Variants in CACNA1I observed in about 807,000 individuals in gnomAD.
The protein encoded by CACNA1I is voltage-dependent T-type calcium channel subunit alpha-1I.
A neutral mutation model predicts 201.6 loss-of-function variants in CACNA1I; 74 were observed. The observed-to-expected ratio is 0.37, with a 90% confidence interval of 0.30 to 0.45. The LOEUF (loss-of-function observed/expected upper bound fraction) is 0.45, where lower values mean the gene tolerates loss of function less well. Among genes scored for constraint, CACNA1I ranks in the 20% least tolerant of loss-of-function variants. The pLI, the probability that CACNA1I is intolerant of heterozygous loss-of-function variation, is 1.00. For missense variants in CACNA1I, 2,346 were observed against 3,138.1 expected (o/e 0.75, Z 6.03); for synonymous variants, 1,431 against 1,345.2 (o/e 1.06, Z -1.40).
At position 39,655,346 on chromosome 22, in the gene CACNA1I, G is replaced by A. The variant is rs201814015; in HGVS notation, c.1993-2806G>A. Among the ~76,000 whole-genome samples, 693 of 152,204 alleles carry A rather than the reference G, an allele frequency of 4.6e-3. 2 individuals are homozygous for A. The highest frequency in any genetic ancestry group is 0.016 in the African/African-American group (665 of 41,522). On this transcript the variant is annotated intron_variant, in intron 10 of 36. Transcript: ENST00000402142. ...GGGCAGCCTGGTGTCACCCAAACCCGCATCAGGCAGGGACTTGCAGGCTCC... is the reference window on the plus strand; with the variant it reads ...GGGCAGCCTGGTGTCACCCAAACCCACATCAGGCAGGGACTTGCAGGCTCC...
Position 39,640,861 on chromosome 22 carries a change from G to C in CACNA1I, c.741-6G>C. ...CCCTCTTTTACCCACCCTCGCCTGT[G>C]GACAGACAAGGGGATGTGGCCTTGC... is the stretch of plus-strand genomic sequence containing the variant. On this transcript the variant is annotated splice_polypyrimidine_tract_variant and splice_region_variant and intron_variant, in intron 5 of 36. Transcript: ENST00000402142. The C allele has an allele frequency of 6.2e-7, 1 of 1,608,290 alleles. No individual in the cohort carries two copies. The highest frequency in any genetic ancestry group is 2.2e-5 in the East Asian group (1 of 44,708).
chr22:39,573,157 G>C (rs943427331), intron 1 of CACNA1I, among the ~76,000 whole-genome samples: 4 of 152,148 alleles, frequency 2.6e-5, no homozygotes, highest in African/African-American at 9.7e-5. Context: ...CAGGAATTTT[G>C]GGCCTTTAGG....
chr22:39,598,800 C>T (rs376573537), intron 2 of CACNA1I, among the ~76,000 whole-genome samples: 2 of 152,034 alleles, frequency 1.3e-5, no homozygotes, highest in African/African-American at 2.4e-5. Flanking sequence ...ACCTTTGGTA[C>T]CTGACATAAC....
At position 39,646,551 on chromosome 22, in the gene CACNA1I, T is replaced by C. The variant is rs745370817; in HGVS notation, c.1150-18T>C. 7.2e-6 allele frequency: 11 copies of C among 1,525,204 alleles called. No individual in the cohort carries two copies. The East Asian group carries it at 2.7e-4, about 37-fold the overall frequency. 94.5% of individuals were successfully genotyped at this position (1,525,204 alleles called of 1,614,324 possible). On this transcript the variant is annotated intron_variant, in intron 7 of 36. Transcript: ENST00000402142. ...CATCCCTGTCCCTGTCCCTGTCCTC[T>C]CCTCCCGTTGGTCACAGGTGGGCTC...
At position 39,686,417 on chromosome 22, in the gene CACNA1I, G is replaced by A. The variant is rs1753527710; in HGVS notation, c.*12G>A. The A allele has an allele frequency of 8.1e-7, 1 of 1,228,120 alleles. No homozygotes were observed. The highest frequency in any genetic ancestry group is 1.0e-6 in the Non-Finnish European group (1 of 980,590). 76.1% of individuals were successfully genotyped at this position (1,228,120 alleles called of 1,614,324 possible). Reference sequence around the variant, plus strand: ...AGAGGAAGAGATGAGGGTCGCAGGGGCCCCCGGCCGCCCACCGCCCGCCCC... The same window carrying A: ...AGAGGAAGAGATGAGGGTCGCAGGGACCCCCGGCCGCCCACCGCCCGCCCC... On this transcript the variant is annotated 3_prime_UTR_variant, in exon 37 of 37. Coordinates refer to ENST00000402142, the MANE Select transcript of CACNA1I (RefSeq NM_021096.4).
chr22:39,613,808 C>G (rs1290283448), intron 3 of CACNA1I, among the ~76,000 whole-genome samples: 1 of 151,678 alleles, frequency 6.6e-6, no homozygotes, highest in Non-Finnish European at 1.5e-5. Flanking sequence ...CTCCTGGGTC[C>G]CTTGGTACCT....
chr22:39,686,532 CCGA>C lies in CACNA1I; in HGVS notation c.*129_*131del. ...CGCAGGGCCCGCAGGGCACAGGCGC[CCGA>C]CAGCCGGGCTGAGCGGAGTCTGGGT... On this transcript the variant is annotated 3_prime_UTR_variant, in exon 37 of 37. Coordinates refer to ENST00000402142, the MANE Select transcript of CACNA1I (RefSeq NM_021096.4). 1.4e-6 allele frequency: 1 copy of C among 713,962 alleles called. No individual in the cohort carries two copies. The allele number at this position is 713,962 out of a possible 1,614,324, so 44.2% of individuals were successfully genotyped here. A position where few individuals can be genotyped will look rare whatever the true frequency, so the allele number is the denominator to read the frequency against.
chr22:39,678,664 C>G (rs944008445), intron 31 of CACNA1I, among the ~76,000 whole-genome samples: 1 of 152,206 alleles, frequency 6.6e-6, no homozygotes, highest in African/African-American at 2.4e-5. Context: ...GGCGGCCAAT[C>G]TCCTCAGCCC....
chr22:39,669,898 C>A, intron 24 of CACNA1I, 140 bp from the exon 25 acceptor site: 9 of 886,212 alleles, frequency 1.0e-5, no homozygotes, highest in South Asian at 7.5e-5. Flanking sequence ...TACCTGCTGC[C>A]TCATTTAGAC....
chr22:39,585,364 T>C (rs1932710748), intron 1 of CACNA1I, among the ~76,000 whole-genome samples: 1 of 131,818 alleles, frequency 7.6e-6, no homozygotes, highest in African/African-American at 2.8e-5. Context: ...GGCCCGGGCT[T>C]TTTTTCTTTC....
intron 2 of CACNA1I, among the ~76,000 whole-genome samples, chr22:39,598,727 C>A (rs1052971885): frequency 1.8e-4 from 27 of 152,042 alleles, no homozygotes; most frequent in Non-Finnish European, 3.4e-4. Flanking sequence ...CCCTAGATGC[C>A]CTTTAGGAGC....
chr22:39,601,235 C>T (rs2145829079), intron 3 of CACNA1I, among the ~76,000 whole-genome samples: 1 of 152,358 alleles, frequency 6.6e-6, no homozygotes, highest in East Asian at 1.9e-4. Context: ...ACTTGCTCCC[C>T]AGTGTTGGCG....
intron 3 of CACNA1I, among the ~76,000 whole-genome samples, chr22:39,604,720 A>G (rs1436041485): frequency 1.3e-5 from 2 of 151,032 alleles, no homozygotes; most frequent in Non-Finnish European, 2.9e-5. Flanking sequence ...CTGGGACTAC[A>G]GGCACATGCC....
Position 39,658,946 on chromosome 22 carries a change from G to GGGGCAGGCGGACGGT in CACNA1I, c.2165_2179dup (p.Gln722_Gly726dup). 1 of 1,599,488 alleles carries GGGGCAGGCGGACGGT rather than the reference G, an allele frequency of 6.3e-7. No individual in the cohort carries two copies. On this transcript the variant is annotated inframe_insertion, in exon 12 of 37. Transcript: ENST00000402142. The stretch of plus-strand genomic sequence containing the variant: ...GGGACCGCAGCATCTGGGAGATTGT[G>GGGGCAGGCGGACGGT]GGGCAGGCGGACGGTGGGCTGTCGG...
intron 26 of CACNA1I, 73 bp downstream of exon 26, chr22:39,671,027 G>T: frequency 1.4e-6 from 2 of 1,427,336 alleles, no homozygotes; most frequent in Non-Finnish European, 2.0e-6. Flanking sequence ...CCACCCCAGG[G>T]ATAGGGTGGG....
At position 39,670,032 on chromosome 22, in the gene CACNA1I, C is replaced by T. The variant is rs1935322463; in HGVS notation, c.4195-6C>T. On this transcript the variant is annotated splice_region_variant and splice_polypyrimidine_tract_variant and intron_variant, in intron 24 of 36. Transcript: ENST00000402142. ...GCCTCCTCAGCCCTTTCTGACTCCC[C>T]TGCAGCCTGTGACCAACCACAACCC... The T allele has an allele frequency of 1.2e-6, 2 of 1,612,148 alleles. No individual in the cohort carries two copies. The highest frequency in any genetic ancestry group is 1.7e-6 in the Non-Finnish European group (2 of 1,179,838).
At chr22:39,618,413 A>T (rs1247855211) in intron 3 of CACNA1I, among the ~76,000 whole-genome samples, 2 of 149,190 alleles carry the variant, frequency 1.3e-5, no homozygotes, top group East Asian at 3.9e-4. Context: ...GGTTGTGTGC[A>T]TGTACGTGAC....
chr22:39,686,040 A>G lies in CACNA1I; in HGVS notation c.6307A>G (p.Met2103Val). ...TSPGCTHHDS[M>V]DPSDEEGRGG... ...CCCGGGCTGCACCCACCACGACTCC[A>G]TGGACCCCTCGGACGAGGAGGGCCG... is the stretch of plus-strand genomic sequence containing the variant. The change falls in exon 37 of 37, where the codon ATG becomes GTG. Residue 2103 changes from methionine to valine, a missense_variant. By Grantham distance (21) the Met-to-Val change is conservative (BLOSUM62 1). Coordinates refer to ENST00000402142, the MANE Select transcript of CACNA1I (RefSeq NM_021096.4). 2 of 1,234,436 alleles carry G rather than the reference A, an allele frequency of 1.6e-6. No individual in the cohort carries two copies. The highest frequency in any genetic ancestry group is 2.0e-6 in the Non-Finnish European group (2 of 992,918). The allele number at this position is 1,234,436 out of a possible 1,614,324, so 76.5% of individuals were successfully genotyped here.
At position 39,616,605 on chromosome 22, in the gene CACNA1I, A is replaced by G. The variant is rs150321796; in HGVS notation, c.483-2705A>G. On this transcript the variant is annotated intron_variant, in intron 3 of 36. Coordinates refer to ENST00000402142, the MANE Select transcript of CACNA1I (RefSeq NM_021096.4). ...CATGGAGAAACTCCATCTCTACTAA[A>G]AATACAAAATTAGCTGGGCATGGTG... Among the ~76,000 whole-genome samples the G allele has an allele frequency of 7.2e-3, 1,095 of 152,050 alleles. 13 individuals are homozygous for G. The highest frequency in any genetic ancestry group is 0.025 in the African/African-American group (1,044 of 41,458).
Sources: allele counts gnomAD v4.1 joint callset (sites outside exome capture counted in the v4.1 genomes callset), GRCh38; gene constraint gnomAD v4.1.1; transcripts MANE v1.5; gene names NCBI Gene and HGNC (gene_info 2026-07-23, HGNC 2026-07-21).